The following CLIC5 variants were observed in gnomAD, a reference collection of about 807,000 sequenced individuals.
The protein encoded by CLIC5 is chloride intracellular channel protein 5.
Under a neutral mutation model 24.7 loss-of-function variants are expected in CLIC5, and 20 were observed. That is an observed-to-expected ratio of 0.81 (90% CI 0.57 to 1.18). The LOEUF is 1.18. Ranked by LOEUF, CLIC5 falls within the 50% of genes most tolerant of loss-of-function variation. The pLI, the probability that CLIC5 is intolerant of heterozygous loss-of-function variation, is 0.00. For missense variants in CLIC5, 341 were observed against 326.1 expected, an observed-to-expected ratio of 1.05 and a Z score of -0.35; for synonymous variants, 159 against 135.6, an observed-to-expected ratio of 1.17 and a Z score of -1.20.
chr6:46,060,724 C>A (rs1388797778), intron 1 of CLIC5, among the ~76,000 whole-genome samples: 1 of 150,188 alleles, frequency 6.7e-6, no homozygotes, highest in African/African-American at 2.5e-5. Context: ...CTGGTGCCTG[C>A]ATTTTTTTTC....
intron 1 of CLIC5, among the ~76,000 whole-genome samples, chr6:46,037,221 CTGTGTCCAAACCTTGATTTGGT>C (rs1562017999): frequency 6.6e-6 from 1 of 152,126 alleles, no homozygotes; most frequent in Admixed American, 6.5e-5. Flanking sequence ...TTTTGTATAT[CTGTGTCCAAACCTTGATTTGGT>C]TCCAAAATCA....
intron 6 of CLIC5, among the ~76,000 whole-genome samples, chr6:45,885,294 T>C (rs1480268284): frequency 6.6e-6 from 1 of 152,188 alleles, no homozygotes; most frequent in African/African-American, 2.4e-5. Context: ...TTCCACTACC[T>C]GGAAGAGGTT....
chr6:45,997,611 C>T (rs920197388), intron 1 of CLIC5, among the ~76,000 whole-genome samples: 1 of 151,568 alleles, frequency 6.6e-6, no homozygotes, highest in South Asian at 2.1e-4. Context: ...TGAAGTAGGA[C>T]GAATATCTAC....
rs539509941 is a variant in CLIC5 at position 46,000,881 on chromosome 6, G to A, written c.63+14599C>T. ...ATGCAGAGCCAAACCATATCACAGA[G>A]CCTCTTTTTCCAGCTCTTCATTGAC... On this transcript the variant is annotated intron_variant, in intron 1 of 5. Transcript: ENST00000339561. 2.0e-5 allele frequency among the ~76,000 whole-genome samples: 3 copies of A among 152,256 alleles called. No individual in the cohort carries two copies. In the East Asian group the frequency reaches 5.8e-4, roughly 29 times the overall value.
chr6:45,973,315 T>C (rs1229828176), intron 1 of CLIC5, among the ~76,000 whole-genome samples: 1 of 152,228 alleles, frequency 6.6e-6, no homozygotes, highest in East Asian at 1.9e-4. Context: ...CTGATGCCCA[T>C]GGCTGAGCAG....
chr6:46,019,156 G>C (rs796627986), upstream of CLIC5, among the ~76,000 whole-genome samples: 4 of 149,526 alleles, frequency 2.7e-5, no homozygotes, highest in African/African-American at 9.8e-5. Context: ...AGGCAGAAAA[G>C]AGGAAGAGAA....
chr6:46,007,706 G>A (rs1766637936), intron 1 of CLIC5, among the ~76,000 whole-genome samples: 1 of 152,060 alleles, frequency 6.6e-6, no homozygotes, highest in Non-Finnish European at 1.5e-5. Context: ...GTGTTAGATT[G>A]GGAACTTATC....
chr6:46,111,390 T>A, the CLIC5 span, among the ~76,000 whole-genome samples: 2 of 152,174 alleles, frequency 1.3e-5, no homozygotes, highest in East Asian at 3.8e-4. Flanking sequence ...AACCAGTGTG[T>A]AGACTGCTTC....
At chr6:45,906,953 T>A (rs1450339566) in intron 5 of CLIC5, among the ~76,000 whole-genome samples, 1 of 152,200 alleles carries the variant, frequency 6.6e-6, no homozygotes, top group African/African-American at 2.4e-5. Context: ...AGGAATAGAA[T>A]CACATCACCA....
exon 1 of CLIC5, chr6:46,080,312 A>C: frequency 7.6e-7 from 1 of 1,323,792 alleles, no homozygotes; most frequent in Non-Finnish European, 1.0e-6. Flanking sequence ...GGGACAGAGG[A>C]TGCTGCACCA....
the CLIC5 span, among the ~76,000 whole-genome samples, chr6:46,094,300 A>T: frequency 2.0e-5 from 3 of 152,230 alleles, no homozygotes; most frequent in Non-Finnish European, 4.4e-5. Flanking sequence ...TTCAAAATAC[A>T]ATCATGCCTT....
chr6:45,952,701 C>G (rs1000927086), intron 2 of CLIC5, among the ~76,000 whole-genome samples: 1 of 152,112 alleles, frequency 6.6e-6, no homozygotes, highest in African/African-American at 2.4e-5. Flanking sequence ...GCCTGGTCTA[C>G]GTCAAAGGGG....
At position 45,995,761 on chromosome 6, in the gene CLIC5, T is replaced by C. The variant is rs528579685; in HGVS notation, c.63+19719A>G. 3.9e-5 allele frequency among the ~76,000 whole-genome samples: 6 copies of C among 152,258 alleles called. No individual in the cohort carries two copies. In the East Asian group the frequency reaches 1.2e-3, roughly 29 times the overall value. Reference sequence around the variant, plus strand: ...ACTGGATAAAGAAATGTGGTACACATACACCATGGAATACTATGCAGCCAT... The same window carrying C: ...ACTGGATAAAGAAATGTGGTACACACACACCATGGAATACTATGCAGCCAT... On this transcript the variant is annotated intron_variant, in intron 1 of 5. Coordinates refer to ENST00000339561, the MANE Select transcript of CLIC5 (RefSeq NM_016929.5).
the CLIC5 span, among the ~76,000 whole-genome samples, chr6:46,105,532 T>A: frequency 6.6e-6 from 1 of 152,194 alleles, no homozygotes; most frequent in Non-Finnish European, 1.5e-5. Context: ...TTCTCCTCCC[T>A]ATGCTGTCTT....
In CLIC5 at chr6:45,929,377, C is replaced by T. The variant is rs117500632; in HGVS notation, c.406+12170G>A. On this transcript the variant is annotated intron_variant, in intron 4 of 5. Coordinates refer to ENST00000339561, the MANE Select transcript of CLIC5 (RefSeq NM_016929.5). ...CAAGGACCCTCCATGAGGGAGGAGA[C>T]GAGGACATGCAAGTGCAGAGCCCAC... Among the ~76,000 whole-genome samples, 70 of 152,326 alleles carry T rather than the reference C, an allele frequency of 4.6e-4. No homozygotes were observed. The East Asian group carries it at 9.1e-3, about 20-fold the overall frequency.
In CLIC5 at chr6:45,998,079, T is replaced by G. The variant is rs568858076; in HGVS notation, c.63+17401A>C. Among the ~76,000 whole-genome samples the G allele has an allele frequency of 5.3e-5, 8 of 152,364 alleles. No homozygotes were observed. In the South Asian group the frequency reaches 1.2e-3, roughly 24 times the overall value. On this transcript the variant is annotated intron_variant, in intron 1 of 5. Coordinates refer to ENST00000339561, the MANE Select transcript of CLIC5 (RefSeq NM_016929.5). ...CAGTATTCTCCTTTCTCAGGTAATC[T>G]GTCCTTGGGAGCGGTTGTCTGGGGC...
At chr6:46,037,299 C>T (rs770803432) in intron 1 of CLIC5, among the ~76,000 whole-genome samples, 29 of 152,138 alleles carry the variant, frequency 1.9e-4, no homozygotes, top group Non-Finnish European at 3.4e-4. Context: ...ATGGCATGCT[C>T]AGTCAGCTTG....
At chr6:46,116,522 C>T in the CLIC5 span, among the ~76,000 whole-genome samples, 1 of 152,072 alleles carries the variant, frequency 6.6e-6, no homozygotes, top group Non-Finnish European at 1.5e-5. Flanking sequence ...GGGTTACTGT[C>T]GAATGAATGA....
At chr6:45,964,345 C>A (rs945053045) in intron 1 of CLIC5, among the ~76,000 whole-genome samples, 1 of 152,192 alleles carries the variant, frequency 6.6e-6, no homozygotes, top group Non-Finnish European at 1.5e-5. Flanking sequence ...CCCGTATGTC[C>A]TTCATAACCT....
Sources: allele counts gnomAD v4.1 joint callset (sites outside exome capture counted in the v4.1 genomes callset), GRCh38; gene constraint gnomAD v4.1.1; transcripts MANE v1.5; gene names NCBI Gene and HGNC (gene_info 2026-07-23, HGNC 2026-07-21).